Variants in IRF7 observed in about 807,000 individuals in gnomAD.
IRF7 encodes interferon regulatory factor-7H.
In IRF7, 67 loss-of-function variants were observed where a neutral mutation model predicts 51.3. The observed-to-expected ratio is 1.31, with a 90% CI of 1.07 to 1.60. The LOEUF (loss-of-function observed/expected upper bound fraction) is 1.60. Among genes scored for constraint, IRF7 ranks in the 40% most tolerant of loss-of-function variants. The pLI is 0.00. For missense variants in IRF7, 873 were observed against 701.5 expected (o/e 1.24, Z -2.76); for synonymous variants, 427 against 301.3 (o/e 1.42, Z -4.32).
At position 613,545 on chromosome 11, in the gene IRF7, C is replaced by T. The variant is rs1201625244; in HGVS notation, c.898G>A (p.Val300Met). 1.9e-6 allele frequency: 3 copies of T among 1,576,786 alleles called. No homozygotes were observed. The highest frequency in any genetic ancestry group is 1.2e-5 in the South Asian group (1 of 84,892). ...DVTIMYKGRT[V>M]LQKVVGHPSC... ...GGGTGTCCCACCACCTTCTGCAGCA[C>T]CGTGCGGCCCTTGTACATGATGGTC... The change falls in exon 9 of 11, where the codon GTG becomes ATG. Residue 300 changes from valine (V) to methionine (M), a missense_variant. Val to Met is a conservative substitution (Grantham distance 21). Coordinates refer to ENST00000525445, the MANE Select transcript of IRF7 (RefSeq NM_001572.5).
At position 614,389 on chromosome 11, in the gene IRF7, G is replaced by T; in HGVS notation, c.464C>A (p.Pro155Gln). The change falls in exon 6 of 11, where the codon CCA becomes CAA. Residue 155 changes from proline to glutamine, a missense_variant. Coordinates refer to ENST00000525445, the MANE Select transcript of IRF7 (RefSeq NM_001572.5). ...AAVPPPQGGP[P>Q]GPFLAHTHAG... ...ATGTGTGTGTGCCAGGAATGGCCCT[G>T]GGGGCCCACCCTGCAGGGAAAAGTC... is the stretch of plus-strand genomic sequence containing the variant. The T allele has an allele frequency of 6.2e-7, 1 of 1,604,458 alleles. No individual in the cohort carries two copies. Among genetic ancestry groups the T allele is most frequent in the East Asian group, 2.2e-5 (1 of 44,662 alleles).
Position 613,436 on chromosome 11 carries a change from T to A in IRF7, c.1007A>T (p.Glu336Val), listed in dbSNP as rs753132080. 1.3e-6 allele frequency: 2 copies of A among 1,558,250 alleles called. No individual in the cohort carries two copies. The highest frequency in any genetic ancestry group is 1.7e-6 in the Non-Finnish European group (2 of 1,151,950). ...PQQVAFPSPA[E>V]LPDQKQLRYT... ...GCGCAGCTGCTTCTGGTCCGGGAGC[T>A]CGGCAGGGCTGGGGAATGCTACCTG... Residue 336 changes from glutamate (E) to valine (V), a missense_variant, in exon 9 of 11, where the codon GAG becomes GTG. Transcript: ENST00000525445.
rs757334669 is a variant in IRF7, at chr11:614,961, C to T, written c.230G>A (p.Gly77Asp). ...AGTCTCAGCCTCGGGGGGCGGGCCA[C>T]CTCCCCTGCTGCTAGGCGGCCACCT... is the stretch of plus-strand genomic sequence containing the variant. ...RGRWPPSSRG[G>D]GPPPEAETAE... The change falls in exon 4 of 11, where the codon GGT (glycine) becomes GAT (aspartate). Residue 77 changes from glycine (G) to aspartate (D), a missense_variant. Physicochemically the swap from Gly to Asp is moderately conservative, Grantham distance 94. Coordinates refer to ENST00000525445, the MANE Select transcript of IRF7 (RefSeq NM_001572.5). The T allele has an allele frequency of 1.3e-6, 2 of 1,561,658 alleles. No homozygotes were observed. The highest frequency in any genetic ancestry group is 1.2e-5 in the South Asian group (1 of 84,712).
intron 6 of IRF7, 41 bp downstream of exon 6, chr11:614,132 TG>T: frequency 6.3e-7 from 1 of 1,590,376 alleles, no homozygotes; most frequent in Non-Finnish European, 8.6e-7. Flanking sequence ...CCAGGTGCAC[TG>T]GCCCCTCCCG....
intron 6 of IRF7, 47 bp from the exon 7 acceptor site, chr11:614,084 C>T (rs1460087504): frequency 1.3e-6 from 2 of 1,583,242 alleles, no homozygotes; most frequent in Non-Finnish European, 1.7e-6. Context: ...CCTAATTCTC[C>T]AGCTCCCCAA....
At position 613,371 on chromosome 11, in the gene IRF7, G is replaced by A. The variant is rs1589918026; in HGVS notation, c.1072C>T (p.His358Tyr). ...AGCTGTGGCCCCCGAAGCTCCAGGT[G>A]CAACCCAGGGGCCACGTGCCGCAGC... is the stretch of plus-strand genomic sequence containing the variant. ...ELLRHVAPGL[H>Y]LELRGPQLWA... is the part of the protein sequence containing the mutation. Residue 358 changes from histidine (H) to tyrosine (Y), a missense_variant, in exon 9 of 11, where the codon CAC (histidine) becomes TAC (tyrosine). Physicochemically the swap from His to Tyr is moderately conservative, Grantham distance 83 (BLOSUM62 2). Coordinates refer to ENST00000525445, the MANE Select transcript of IRF7 (RefSeq NM_001572.5). 1 of 1,608,898 alleles carries A rather than the reference G, an allele frequency of 6.2e-7. No individual in the cohort carries two copies. Among genetic ancestry groups the A allele is most frequent in the Non-Finnish European group, 8.5e-7 (1 of 1,178,450 alleles).
chr11:613,572 C>G lies in IRF7; in HGVS notation c.871G>C (p.Val291Leu), dbSNP rs1226109716. 6.4e-7 allele frequency: 1 copy of G among 1,572,180 alleles called. No homozygotes were observed. Among genetic ancestry groups the G allele is most frequent in the African/African-American group, 1.4e-5 (1 of 73,268 alleles). ...GTGCGGCCCTTGTACATGATGGTCACGTCCAGCGCCCCTGGGCTGGGCTCT... is the reference window on the plus strand; with the variant it reads ...GTGCGGCCCTTGTACATGATGGTCAGGTCCAGCGCCCCTGGGCTGGGCTCT... Reference protein sequence around the residue: ...VQEPSPGALDVTIMYKGRTVL... With the variant: ...VQEPSPGALDLTIMYKGRTVL... Residue 291 changes from valine to leucine, a missense_variant, in exon 9 of 11, where the codon GTG (valine) becomes CTG (leucine). By Grantham distance (32) the Val-to-Leu change is conservative (BLOSUM62 1). Coordinates refer to ENST00000525445, the MANE Select transcript of IRF7 (RefSeq NM_001572.5).
rs775651604 is a variant in IRF7 at position 614,273 on chromosome 11, CT to C, written c.579del (p.Asp194ThrfsTer4). 6 of 1,612,364 alleles carry C rather than the reference CT, an allele frequency of 3.7e-6. No homozygotes were observed. Among genetic ancestry groups the C allele is most frequent in the Non-Finnish European group, 5.1e-6 (6 of 1,179,728 alleles). On this transcript the variant is annotated frameshift_variant, in exon 6 of 11. Coordinates refer to ENST00000525445, the MANE Select transcript of IRF7 (RefSeq NM_001572.5). LOFTEE classifies it high-confidence loss of function. ...CCCCATGACGCTGTCAGCAGATGGT[CT>C]GCCAGGCAGCTCTGTTGCACTGCCT... ...LLQAVQQSCL[A>X]DHLLTASWGA...
chr11:615,247 G>C lies in IRF7; in HGVS notation c.33C>G (p.Arg11=), dbSNP rs770479395. 1.9e-6 allele frequency: 3 copies of C among 1,582,618 alleles called. No homozygotes were observed. The South Asian group carries it at 3.4e-5, about 18-fold the overall frequency. The part of the protein sequence containing the change: MALAPERAAP[R]VLFGEWLLGE... ...CAAGGAGCCACTCTCCGAACAGCAC[G>C]CGTGGGGCTGCCCTGCGGGTGCCCG... Residue 11 remains arginine, a synonymous_variant, in exon 3 of 11, where the codon CGC becomes CGG. Transcript: ENST00000525445.
Position 613,233 on chromosome 11 carries a change from T to G in IRF7, c.1210A>C (p.Ile404Leu). Residue 404 changes from isoleucine (I) to leucine (L), a missense_variant, in exon 9 of 11, where the codon ATC (isoleucine) becomes CTC (leucine). By Grantham distance (5) the Ile-to-Leu change is conservative. Coordinates refer to ENST00000525445, the MANE Select transcript of IRF7 (RefSeq NM_001572.5). ...CLLPRNCDTP[I>L]FDFRVFFQEL... ...TGGAAGAAGACTCTGAAGTCGAAGA[T>G]GGGGGTGTCACAGTTCCGAGGCAGC... 1 of 1,592,778 alleles carries G rather than the reference T, an allele frequency of 6.3e-7. No homozygotes were observed. Among genetic ancestry groups the G allele is most frequent in the Non-Finnish European group, 8.6e-7 (1 of 1,169,422 alleles).
rs749158630 is a variant in IRF7 at position 614,277 on chromosome 11, C to T, written c.576G>A (p.Leu192=). 1.1e-5 allele frequency: 17 copies of T among 1,612,294 alleles called. No individual in the cohort carries two copies. Among genetic ancestry groups the T allele is most frequent in the Non-Finnish European group, 1.4e-5 (17 of 1,179,690 alleles). ...ATGACGCTGTCAGCAGATGGTCTGC[C>T]AGGCAGCTCTGTTGCACTGCCTGGA... ...LLLQAVQQSC[L]ADHLLTASWG... Residue 192 remains leucine (L), a synonymous_variant, in exon 6 of 11, where the codon CTG becomes CTA. Coordinates refer to ENST00000525445, the MANE Select transcript of IRF7 (RefSeq NM_001572.5).
At position 612,611 on chromosome 11, in the gene IRF7, C is replaced by G; in HGVS notation, c.*34G>C. 2 of 1,609,154 alleles carry G rather than the reference C, an allele frequency of 1.2e-6. No homozygotes were observed. Among genetic ancestry groups the G allele is most frequent in the South Asian group, 2.2e-5 (2 of 91,064 alleles). On this transcript the variant is annotated 3_prime_UTR_variant, in exon 11 of 11. Coordinates refer to ENST00000525445, the MANE Select transcript of IRF7 (RefSeq NM_001572.5). ...GCCGCGGCCAGCTCTAGGTGGGCTG[C>G]TCCAGCTTTCTGGAGTTCTCATTAG...
chr11:612,641 G>A lies in IRF7; in HGVS notation c.*4C>T. On this transcript the variant is annotated 3_prime_UTR_variant, in exon 11 of 11. Coordinates refer to ENST00000525445, the MANE Select transcript of IRF7 (RefSeq NM_001572.5). Reference sequence around the variant, plus strand: ...GCTTTCTGGAGTTCTCATTAGACTGGGTTCTAGGCGGGCTGCTCCAGCTCC... The same window carrying A: ...GCTTTCTGGAGTTCTCATTAGACTGAGTTCTAGGCGGGCTGCTCCAGCTCC... 6.2e-7 allele frequency: 1 copy of A among 1,612,530 alleles called. No homozygotes were observed. The highest frequency in any genetic ancestry group is 1.1e-5 in the South Asian group (1 of 91,082).
At chr11:615,766 ACCCCGC>A (rs913194230) in intron 1 of IRF7, 119 bp from the exon 2 acceptor site, 7 of 183,790 alleles carry the variant, frequency 3.8e-5, no homozygotes, top group African/African-American at 7.7e-5. Flanking sequence ...GCTCCGCGGA[ACCCCGC>A]CTCCGCCTCC....
At chr11:614,131 C>T (rs761513926) in intron 6 of IRF7, 43 bp downstream of exon 6, 1 of 1,591,792 alleles carries the variant, frequency 6.3e-7, no homozygotes, top group Admixed American at 1.7e-5. Flanking sequence ...TCCAGGTGCA[C>T]TGGCCCCTCC....
At chr11:612,852 C>A in intron 10 of IRF7, 52 bp from the exon 11 acceptor site, 1 of 1,592,672 alleles carries the variant, frequency 6.3e-7, no homozygotes. Context: ...GTCCTCCCCT[C>A]CCCCTCCCCA....
At position 613,217 on chromosome 11, in the gene IRF7, A is replaced by C; in HGVS notation, c.1226T>G (p.Val409Gly). 6.3e-7 allele frequency: 1 copy of C among 1,588,516 alleles called. No individual in the cohort carries two copies. Among genetic ancestry groups the C allele is most frequent in the Non-Finnish European group, 8.6e-7 (1 of 1,166,514 alleles). Reference sequence around the variant, plus strand: ...AGGGCCTCACTGACCTTGGAAGAAGACTCTGAAGTCGAAGATGGGGGTGTC... The same window carrying C: ...AGGGCCTCACTGACCTTGGAAGAAGCCTCTGAAGTCGAAGATGGGGGTGTC... ...NCDTPIFDFR[V>G]FFQELVEFRA... The change falls in exon 9 of 11, where the codon GTC (valine) becomes GGC (glycine). Residue 409 changes from valine (V) to glycine (G), a missense_variant. Transcript: ENST00000525445.
Position 614,167 on chromosome 11 carries a change from C to T in IRF7, c.679+7G>A, listed in dbSNP as rs766387417. ...CGCGCTCCCCCCCTCCCCGGGCACG[C>T]CCACACCTCCAGCACAGGCCCCAGT... is the stretch of plus-strand genomic sequence containing the variant. On this transcript the variant is annotated splice_region_variant and intron_variant, in intron 6 of 10. Coordinates refer to ENST00000525445, the MANE Select transcript of IRF7 (RefSeq NM_001572.5). The T allele has an allele frequency of 6.2e-6, 10 of 1,611,224 alleles. No individual in the cohort carries two copies. In the African/African-American group the frequency reaches 8.0e-5, roughly 13 times the overall value.
intron 10 of IRF7, 70 bp from the exon 11 acceptor site, chr11:612,870 AGGG>A (rs2133125609): frequency 3.8e-6 from 6 of 1,588,050 alleles, no homozygotes; most frequent in African/African-American, 2.7e-5. Context: ...CCAGGCTCTG[AGGG>A]CGTCGGGCGT....
Sources: allele counts gnomAD v4.1 joint callset, GRCh38; gene constraint gnomAD v4.1.1; transcripts MANE v1.5; gene names NCBI Gene and HGNC (gene_info 2026-07-23, HGNC 2026-07-21).